The following SLC35F3 variants were observed in gnomAD, a reference collection of about 807,000 sequenced individuals.
SLC35F3 encodes solute carrier family 35 member F3.
A neutral mutation model predicts 49.9 loss-of-function variants in SLC35F3; 25 were observed. The ratio of observed to expected loss-of-function variants is 0.50; its 90% CI spans 0.37 to 0.70. The LOEUF is 0.70. Among genes scored for constraint, SLC35F3 ranks in the 30% least tolerant of loss-of-function variants. The pLI, the probability that SLC35F3 is intolerant of heterozygous loss-of-function variation, is 0.00. For synonymous variants in SLC35F3, 275 were observed against 265.4 expected (o/e 1.04, Z -0.35); for missense variants, 525 against 639.8 (o/e 0.82, Z 1.94).
At chr1:234,185,077 T>C (rs1666621363) in intron 2 of SLC35F3, among the ~76,000 whole-genome samples, 1 of 152,200 alleles carries the variant, frequency 6.6e-6, no homozygotes, top group Admixed American at 6.5e-5. Flanking sequence ...GTTATGAATC[T>C]AAACAATACA....
At chr1:234,304,502 G>C (rs1216400280) in intron 3 of SLC35F3, among the ~76,000 whole-genome samples, 2 of 151,948 alleles carry the variant, frequency 1.3e-5, no homozygotes, top group Non-Finnish European at 2.9e-5. Context: ...ATTTGTTCTT[G>C]TTTCATAGAT....
At position 234,273,690 on chromosome 1, in the gene SLC35F3, G is replaced by T. The variant is rs1668147931; in HGVS notation, c.609-35411G>T. Among the ~76,000 whole-genome samples the T allele has an allele frequency of 2.0e-5, 3 of 152,332 alleles. No homozygotes were observed. The South Asian group carries it at 6.2e-4, about 32-fold the overall frequency. On this transcript the variant is annotated intron_variant, in intron 3 of 7. Coordinates refer to ENST00000366618, the MANE Select transcript of SLC35F3 (RefSeq NM_173508.4). ...CAGAAGGATTGCTACAATTCATCAT[G>T]CACAAGGTGTTGAGGGTCTGGAGCA...
rs751570152 is a variant in SLC35F3 at position 234,214,458 on chromosome 1, A to G, written c.284-16959A>G. ...CGCGCTCCAGCCGGCCCCAGGATGTAGGCGATCGGCGGCAGCGCTCCTGCA... is the reference window on the plus strand; with the variant it reads ...CGCGCTCCAGCCGGCCCCAGGATGTGGGCGATCGGCGGCAGCGCTCCTGCA... On this transcript the variant is annotated intron_variant, in intron 2 of 7. Coordinates refer to ENST00000366618, the MANE Select transcript of SLC35F3 (RefSeq NM_173508.4). The surrounding 1 kb of genome is among the most constrained non-coding windows in gnomAD (Gnocchi z 8.0). 155 of 1,513,966 alleles carry G rather than the reference A, an allele frequency of 1.0e-4. No individual in the cohort carries two copies. The highest frequency in any genetic ancestry group is 1.4e-4 in the Non-Finnish European group (155 of 1,131,370). 93.8% of individuals were successfully genotyped at this position (1,513,966 alleles called of 1,614,324 possible).
intron 2 of SLC35F3, among the ~76,000 whole-genome samples, chr1:234,218,777 A>G (rs1457102412): frequency 6.6e-6 from 1 of 152,156 alleles, no homozygotes; most frequent in African/African-American, 2.4e-5. Flanking sequence ...AATGCTCCCT[A>G]AAGCTCCCAT....
intron 2 of SLC35F3, among the ~76,000 whole-genome samples, chr1:234,020,708 TGA>T (rs1276521344): frequency 2.6e-5 from 4 of 152,156 alleles, no homozygotes; most frequent in African/African-American, 9.7e-5. Flanking sequence ...TGTGTGTGTG[TGA>T]ATTACTATTT....
At chr1:233,918,685 T>G (rs1662009547) in intron 2 of SLC35F3, among the ~76,000 whole-genome samples, 1 of 152,064 alleles carries the variant, frequency 6.6e-6, no homozygotes, top group African/African-American at 2.4e-5. Flanking sequence ...GAGAAGTGCT[T>G]GAGCCTGGGA....
At chr1:234,110,323 G>A (rs1338376186) in intron 2 of SLC35F3, among the ~76,000 whole-genome samples, 1 of 152,236 alleles carries the variant, frequency 6.6e-6, no homozygotes, top group Non-Finnish European at 1.5e-5. Flanking sequence ...TTCCTAGAAT[G>A]TGTCAATTGA....
At chr1:234,219,467 G>C (rs1443398392) in intron 2 of SLC35F3, among the ~76,000 whole-genome samples, 1 of 152,234 alleles carries the variant, frequency 6.6e-6, no homozygotes, top group Non-Finnish European at 1.5e-5. Flanking sequence ...AGATGTTTGG[G>C]AGGATTCTAA....
chr1:234,189,487 G>A (rs1328468371), intron 2 of SLC35F3, among the ~76,000 whole-genome samples: 1 of 148,640 alleles, frequency 6.7e-6, no homozygotes. Flanking sequence ...CGAAGACAAG[G>A]TTTTGAAATA....
In SLC35F3 at chr1:234,197,134, G is replaced by A. The variant is rs115509065; in HGVS notation, c.284-34283G>A. On this transcript the variant is annotated intron_variant, in intron 2 of 7. Transcript: ENST00000366618. ...TGAAAAATTATAAAAGTTATAAAAA[G>A]TGATAAGGGGAAGTTGATCCATGTG... 4.1e-3 allele frequency among the ~76,000 whole-genome samples: 622 copies of A among 152,302 alleles called. 2 individuals carry two copies. Among genetic ancestry groups the A allele is most frequent in the Non-Finnish European group, 6.9e-3 (467 of 68,030 alleles).
At chr1:234,309,398 A>C in intron 4 of SLC35F3, 78 bp downstream of exon 4, 2 of 1,266,644 alleles carry the variant, frequency 1.6e-6, no homozygotes, top group Non-Finnish European at 2.3e-6. Context: ...GCTTAGCTCC[A>C]TGTGCTGGAC....
chr1:233,954,937 G>A (rs886177180), intron 2 of SLC35F3, among the ~76,000 whole-genome samples: 3 of 152,100 alleles, frequency 2.0e-5, no homozygotes, highest in African/African-American at 7.2e-5. Context: ...TCTGCTTCCC[G>A]GGTTCCAGCG....
Position 233,942,064 on chromosome 1 carries a change from G to A in SLC35F3, c.283+36306G>A, listed in dbSNP as rs111896837. On this transcript the variant is annotated intron_variant, in intron 2 of 7. Coordinates refer to ENST00000366618, the MANE Select transcript of SLC35F3 (RefSeq NM_173508.4). ...CAACCTCCACCTCCCAGGTTGAAGC[G>A]ATTCTCCTGCCTCAGCCTCCCAAGT... 1.8e-3 allele frequency among the ~76,000 whole-genome samples: 264 copies of A among 150,376 alleles called. 1 individual carries two copies. Among genetic ancestry groups the A allele is most frequent in the African/African-American group, 6.2e-3 (254 of 41,078 alleles).
intron 2 of SLC35F3, among the ~76,000 whole-genome samples, chr1:233,984,183 G>A (rs899853147): frequency 6.6e-6 from 1 of 152,146 alleles, no homozygotes; most frequent in Non-Finnish European, 1.5e-5. Flanking sequence ...CTTCTCTTTT[G>A]TTCACCTAAG....
At chr1:234,220,519 C>T (rs1667188076) in intron 2 of SLC35F3, among the ~76,000 whole-genome samples, 1 of 152,196 alleles carries the variant, frequency 6.6e-6, no homozygotes, top group Non-Finnish European at 1.5e-5. Context: ...TCATTTAGTC[C>T]TCACAACATG....
At chr1:234,032,780 C>T (rs1664083039) in intron 2 of SLC35F3, among the ~76,000 whole-genome samples, 1 of 152,134 alleles carries the variant, frequency 6.6e-6, no homozygotes, top group Non-Finnish European at 1.5e-5. Context: ...GATTCATGGG[C>T]ATTTGTTCCA....
chr1:234,108,255 ATAT>A (rs1558231301), intron 2 of SLC35F3, among the ~76,000 whole-genome samples: 7 of 77,148 alleles, frequency 9.1e-5, no homozygotes, highest in Non-Finnish European at 1.5e-4. Context: ...AAAGATATAT[ATAT>A]TTATATATAT....
chr1:234,241,153 A>G (rs1667548417), intron 3 of SLC35F3, among the ~76,000 whole-genome samples: 1 of 152,106 alleles, frequency 6.6e-6, no homozygotes, highest in South Asian at 2.1e-4. Context: ...ATTGTATACA[A>G]ATCCTAGCTA....
At chr1:234,150,494 T>G (rs1474647931) in intron 2 of SLC35F3, among the ~76,000 whole-genome samples, 1 of 152,210 alleles carries the variant, frequency 6.6e-6, no homozygotes, top group Admixed American at 6.5e-5. Flanking sequence ...AATCTCCATG[T>G]AATGCTAACA....
Sources: gnomAD v4.1 joint callset for allele counts (sites outside exome capture counted in the v4.1 genomes callset) on GRCh38, gnomAD v4.1.1 for gene constraint, Gnocchi (gnomAD v3.1) non-coding constraint, MANE v1.5 for transcripts, NCBI Gene and HGNC (gene_info 2026-07-23, HGNC 2026-07-21) for gene names.